EXD1: variants seen among roughly 807,000 people sequenced by gnomAD.
EXD1 encodes piRNA biogenesis protein EXD1.
EXD1 carries 63 observed loss-of-function variants against 49.1 expected under a neutral mutation model. The ratio of observed to expected loss-of-function variants is 1.28; its 90% CI spans 1.05 to 1.58. The LOEUF (loss-of-function observed/expected upper bound fraction) is 1.58. Ranked by LOEUF, EXD1 falls within the 40% of genes most tolerant of loss-of-function variation. The pLI, the probability that EXD1 is intolerant of heterozygous loss-of-function variation, is 0.00. For synonymous variants in EXD1, 234 were observed against 239.2 expected (o/e 0.98, Z 0.20); for missense variants, 748 against 666.0 (o/e 1.12, Z -1.36).
intron 7 of EXD1, among the ~76,000 whole-genome samples, chr15:41,202,309 G>A (rs2046745850): frequency 6.6e-6 from 1 of 151,828 alleles, no homozygotes; most frequent in Non-Finnish European, 1.5e-5. Flanking sequence ...TGAGTAGCTG[G>A]GATTAATAGG....
In EXD1 at chr15:41,215,777, C is replaced by T. The variant is rs2046990718; in HGVS notation, c.445G>A (p.Ala149Thr). Reference protein sequence around the residue: ...INQFQQKFGAAILHIKKQNVL... With the variant: ...INQFQQKFGATILHIKKQNVL... The stretch of plus-strand genomic sequence containing the variant: ...TAATGATTGAGGACAATACTTACCG[C>T]AGCACCAAACTTCTGCTGGAATTGA... The change falls in exon 6 of 12, where the codon GCG becomes ACG. Residue 149 changes from alanine (A) to threonine (T), a missense_variant and splice_region_variant. Ala to Thr is a moderately conservative substitution (Grantham distance 58, BLOSUM62 0). Coordinates refer to ENST00000458580, the MANE Select transcript of EXD1 (RefSeq NM_001286441.2). 5 of 1,613,886 alleles carry T rather than the reference C, an allele frequency of 3.1e-6. No homozygotes were observed. Among genetic ancestry groups the T allele is most frequent in the Non-Finnish European group, 4.2e-6 (5 of 1,179,866 alleles).
chr15:41,208,007 C>A (rs1431958759), intron 7 of EXD1, among the ~76,000 whole-genome samples: 2 of 142,160 alleles, frequency 1.4e-5, no homozygotes, highest in East Asian at 4.0e-4. Flanking sequence ...CGAGACCCTG[C>A]CTCAAAAAAA....
At chr15:41,215,859 A>G in intron 5 of EXD1, 26 bp from the exon 6 acceptor site, 2 of 1,607,678 alleles carry the variant, frequency 1.2e-6, no homozygotes, top group Non-Finnish European at 8.5e-7. Context: ...TGCATTAGAT[A>G]TATTTCTCTT....
Position 41,184,694 on chromosome 15 carries a change from G to A in EXD1, c.1057-101C>T, listed in dbSNP as rs749643322. On this transcript the variant is annotated intron_variant, in intron 11 of 11. Transcript: ENST00000458580. Reference sequence around the variant, plus strand: ...TTTTGAGATGGAGTCTCGCTCTGTCGCCCAGGCTGAAGTGCAGTGGCACGA... The same window carrying A: ...TTTTGAGATGGAGTCTCGCTCTGTCACCCAGGCTGAAGTGCAGTGGCACGA... 443 of 1,245,388 alleles carry A rather than the reference G, an allele frequency of 3.6e-4. 2 individuals are homozygous for A. The highest frequency in any genetic ancestry group is 1.2e-3 in the South Asian group (73 of 59,496). 77.1% of individuals were successfully genotyped at this position (1,245,388 alleles called of 1,614,324 possible).
intron 9 of EXD1, among the ~76,000 whole-genome samples, chr15:41,192,727 A>T (rs1595428723): frequency 7.4e-6 from 1 of 135,404 alleles, no homozygotes; most frequent in Non-Finnish European, 1.5e-5. Context: ...GGATCTTCCC[A>T]CCTCAGCCTC....
At chr15:41,204,026 AC>A (rs1374598845) in intron 7 of EXD1, among the ~76,000 whole-genome samples, 1 of 150,066 alleles carries the variant, frequency 6.7e-6, no homozygotes, top group African/African-American at 2.5e-5. Context: ...AAGGAGGATC[AC>A]TTGAGCTCAG....
chr15:41,214,968 A>G (rs1406206943), intron 6 of EXD1, among the ~76,000 whole-genome samples: 1 of 152,036 alleles, frequency 6.6e-6, no homozygotes, highest in Non-Finnish European at 1.5e-5. Context: ...GATGGTCTCA[A>G]TCTCCTGACC....
intron 6 of EXD1, 55 bp from the exon 7 acceptor site, chr15:41,209,642 T>TAACATCATGATTGGCA: frequency 6.8e-7 from 1 of 1,460,376 alleles, no homozygotes; most frequent in Non-Finnish European, 9.6e-7. Flanking sequence ...GTTGGCATGA[T>TAACATCATGATTGGCA]AACATCATGA....
chr15:41,216,490 G>A (rs1383585618), intron 5 of EXD1, among the ~76,000 whole-genome samples, 178 bp downstream of exon 5: 1 of 152,060 alleles, frequency 6.6e-6, no homozygotes, highest in Non-Finnish European at 1.5e-5. Flanking sequence ...AATTAGCTGG[G>A]CGTGGTGGCA....
chr15:41,198,091 C>T (rs1257832738), intron 7 of EXD1, among the ~76,000 whole-genome samples: 1 of 152,104 alleles, frequency 6.6e-6, no homozygotes, highest in African/African-American at 2.4e-5. Flanking sequence ...TAATTGTGAA[C>T]TAAATATTTG....
intron 10 of EXD1, among the ~76,000 whole-genome samples, chr15:41,190,647 A>G (rs2046499069): frequency 6.6e-6 from 1 of 152,156 alleles, no homozygotes; most frequent in African/African-American, 2.4e-5. Context: ...TGTAACAGAG[A>G]AAGAGAGGGG....
intron 7 of EXD1, among the ~76,000 whole-genome samples, chr15:41,204,914 G>A (rs2046799261): frequency 6.6e-6 from 1 of 152,216 alleles, no homozygotes; most frequent in South Asian, 2.1e-4. Flanking sequence ...TACATACCAG[G>A]AAAGAAGAAA....
intron 2 of EXD1, among the ~76,000 whole-genome samples, chr15:41,225,183 T>C (rs180805718): frequency 6.6e-6 from 1 of 152,350 alleles, no homozygotes; most frequent in East Asian, 1.9e-4. Flanking sequence ...CCTACCTCTT[T>C]ACTTTTTGTA....
rs1410821939 is a variant in EXD1, at chr15:41,216,725, G to A, written c.331C>T (p.Pro111Ser). 6.2e-7 allele frequency: 1 copy of A among 1,613,824 alleles called. No individual in the cohort carries two copies. The highest frequency in any genetic ancestry group is 1.7e-5 in the Admixed American group (1 of 60,010). ...GAGGTAGCTGGTGCTTCAGGGGCAG[G>A]AGAAGCAGGCTCACATACATTTAGG... ...EDLNVCEPAS[P>S]APEAPATSLL... is the part of the protein sequence containing the mutation. The change falls in exon 5 of 12, where the codon CCT (proline) becomes TCT (serine). Residue 111 changes from proline (P) to serine (S), a missense_variant. Pro to Ser is a moderately conservative substitution (Grantham distance 74). Coordinates refer to ENST00000458580, the MANE Select transcript of EXD1 (RefSeq NM_001286441.2).
intron 11 of EXD1, among the ~76,000 whole-genome samples, chr15:41,186,470 C>CA (rs58793050): frequency 0.19 from 13,165 of 68,166 alleles, 1,598 homozygotes; most frequent in South Asian, 0.38. Context: ...GACTCTGTCT[C>CA]AAAAAAAAAA....
At chr15:41,215,430 T>C (rs1347791813) in intron 6 of EXD1, among the ~76,000 whole-genome samples, 7 of 152,140 alleles carry the variant, frequency 4.6e-5, no homozygotes, top group Non-Finnish European at 1.0e-4. Context: ...CTCATGCCTG[T>C]AATCCCAGCA....
At chr15:41,212,167 C>T (rs542647716) in intron 6 of EXD1, among the ~76,000 whole-genome samples, 6 of 150,404 alleles carry the variant, frequency 4.0e-5, no homozygotes, top group Non-Finnish European at 8.9e-5. Context: ...GAAATTGGAA[C>T]GGCTGGGCAC....
chr15:41,196,650 C>T (rs1314050012), intron 7 of EXD1, among the ~76,000 whole-genome samples: 5 of 140,674 alleles, frequency 3.6e-5, no homozygotes, highest in Middle Eastern at 3.7e-3. Context: ...AGGCTGGTCT[C>T]GAACTCCTGA....
At chr15:41,208,491 G>A (rs1400774252) in intron 7 of EXD1, among the ~76,000 whole-genome samples, 7 of 151,680 alleles carry the variant, frequency 4.6e-5, no homozygotes, top group South Asian at 4.1e-4. Flanking sequence ...GGTGGCTCAC[G>A]TCTGTAATCC....
Sources: gnomAD v4.1 joint callset for allele counts (sites outside exome capture counted in the v4.1 genomes callset) on GRCh38, gnomAD v4.1.1 for gene constraint, MANE v1.5 for transcripts, NCBI Gene and HGNC (gene_info 2026-07-23, HGNC 2026-07-21) for gene names.